The following STRADA variants were observed in gnomAD, a reference collection of about 807,000 sequenced individuals.
STRADA encodes the protein STE20 related adaptor alpha.
A neutral mutation model predicts 55.0 loss-of-function variants in STRADA; 26 were observed. That is an observed-to-expected ratio of 0.47 (90% CI 0.35 to 0.66). The LOEUF is 0.66. Ranked by LOEUF, STRADA falls within the 30% of genes least tolerant of loss-of-function variation. The probability of loss-of-function intolerance (pLI) is 0.01; values close to 1 mark genes in which losing one functional copy is unlikely to be tolerated. For missense variants in STRADA, 443 were observed against 549.7 expected, an observed-to-expected ratio of 0.81 and a Z score of 1.94; for synonymous variants, 197 against 210.9, an observed-to-expected ratio of 0.93 and a Z score of 0.57.
chr17:63,714,166 G>C, intron 4 of STRADA, 58 bp from the exon 5 acceptor site: 1 of 1,310,990 alleles, frequency 7.6e-7, no homozygotes, highest in South Asian at 1.2e-5. Flanking sequence ...GATGGGAGTG[G>C]GGTGAAGGTG....
At chr17:63,730,934 G>A (rs950796906) in intron 1 of STRADA, among the ~76,000 whole-genome samples, 1 of 151,548 alleles carries the variant, frequency 6.6e-6, no homozygotes, top group African/African-American at 2.4e-5. Flanking sequence ...GAGCCACTGC[G>A]CCTGGCCCTA....
At chr17:63,716,211 T>C (rs2143961730) in intron 4 of STRADA, among the ~76,000 whole-genome samples, 1 of 151,036 alleles carries the variant, frequency 6.6e-6, no homozygotes, top group East Asian at 2.0e-4. Context: ...TTCTCCTGCC[T>C]CAGCCTCCCA....
At chr17:63,724,494 T>C (rs1330877555) in intron 3 of STRADA, among the ~76,000 whole-genome samples, 2 of 150,918 alleles carry the variant, frequency 1.3e-5, no homozygotes, top group African/African-American at 4.9e-5. Flanking sequence ...CAGGCTGGAG[T>C]GCAGTGGCAC....
At chr17:63,705,012 G>T in intron 10 of STRADA, 1 of 1,136,278 alleles carries the variant, frequency 8.8e-7, no homozygotes, top group Non-Finnish European at 1.3e-6. Context: ...CAGTGCCACA[G>T]CCTGGGCTGT....
At chr17:63,740,066 C>A (rs2038775880) in intron 1 of STRADA, among the ~76,000 whole-genome samples, 2 of 102,698 alleles carry the variant, frequency 1.9e-5, no homozygotes, top group African/African-American at 4.2e-5. Context: ...CGGTACCCAG[C>A]CTATCAGAAA....
chr17:63,724,299 C>A (rs974759414), intron 3 of STRADA, among the ~76,000 whole-genome samples: 6 of 151,778 alleles, frequency 4.0e-5, no homozygotes, highest in Non-Finnish European at 8.8e-5. Context: ...CCTGCCACCA[C>A]GCCTGGCTAA....
chr17:63,738,462 A>C (rs2038617507), intron 1 of STRADA, among the ~76,000 whole-genome samples: 1 of 152,074 alleles, frequency 6.6e-6, no homozygotes, highest in African/African-American at 2.4e-5. Flanking sequence ...AATAAGGAGA[A>C]GCTTCACTAG....
intron 1 of STRADA, among the ~76,000 whole-genome samples, chr17:63,738,750 C>T (rs533964557): frequency 3.4e-4 from 51 of 151,904 alleles, no homozygotes; most frequent in Admixed American, 1.0e-3. Context: ...CTCAGCTACT[C>T]GGGAGACTGA....
At chr17:63,704,935 C>A (rs999535990) in intron 10 of STRADA, 9 of 1,532,638 alleles carry the variant, frequency 5.9e-6, no homozygotes, top group Non-Finnish European at 7.0e-6. Context: ...GTCAGATGAA[C>A]CTGCTTTGAA....
chr17:63,705,734 T>G (rs2036042141), intron 10 of STRADA: 1 of 152,332 alleles, frequency 6.6e-6, no homozygotes, highest in Non-Finnish European at 1.5e-5. Context: ...TTTATACCAT[T>G]TACACCTCCT....
chr17:63,735,185 T>C (rs1181535064), intron 1 of STRADA, among the ~76,000 whole-genome samples: 1 of 152,152 alleles, frequency 6.6e-6, no homozygotes, highest in African/African-American at 2.4e-5. Flanking sequence ...ATTTCACCCA[T>C]AATGTTACTA....
intron 8 of STRADA, 168 bp downstream of exon 8, chr17:63,710,323 A>C: frequency 8.6e-7 from 1 of 1,166,652 alleles, no homozygotes; most frequent in Middle Eastern, 3.1e-4. Flanking sequence ...GGCGTGAGCC[A>C]TCGCGCTGGG....
chr17:63,719,584 A>G (rs2037148118), intron 4 of STRADA, among the ~76,000 whole-genome samples: 1 of 151,962 alleles, frequency 6.6e-6, no homozygotes, highest in Non-Finnish European at 1.5e-5. Flanking sequence ...CCCAGGTTCA[A>G]GTGATTCTCC....
At chr17:63,724,611 C>T (rs188604480) in intron 3 of STRADA, among the ~76,000 whole-genome samples, 36 of 152,042 alleles carry the variant, frequency 2.4e-4, no homozygotes, top group Non-Finnish European at 4.3e-4. Flanking sequence ...ATGGGGTTTT[C>T]ACCATATTGC....
At chr17:63,709,804 A>G (rs1442864448) in intron 8 of STRADA, among the ~76,000 whole-genome samples, 1 of 152,106 alleles carries the variant, frequency 6.6e-6, no homozygotes, top group Non-Finnish European at 1.5e-5. Flanking sequence ...TCCTGACACT[A>G]TCTACTAAGC....
chr17:63,704,543 A>G lies in STRADA; in HGVS notation c.898T>C (p.Leu300=). 2 of 1,512,290 alleles carry G rather than the reference A, an allele frequency of 1.3e-6. No individual in the cohort carries two copies. The highest frequency in any genetic ancestry group is 1.2e-5 in the South Asian group (1 of 85,192). 93.7% of individuals were successfully genotyped at this position (1,512,290 alleles called of 1,614,324 possible). A position where few individuals can be genotyped will look rare whatever the true frequency, so the allele number is the denominator to read the frequency against. The stretch of plus-strand genomic sequence containing the variant: ...TCAGCGGGGATGGTGCTGGTATCCA[A>G]CAGGCAGGGCACTGTGCCGTTCAGT... ...EKLNGTVPCL[L]DTSTIPAEEL... The change falls in exon 11 of 13, where the codon TTG becomes CTG. Residue 300 remains leucine (L), a synonymous_variant. Coordinates refer to ENST00000336174, the MANE Select transcript of STRADA (RefSeq NM_001003787.4).
upstream of STRADA, chr17:63,741,969 CGA>C (rs1491254958): frequency 2.6e-5 from 4 of 152,388 alleles, no homozygotes; most frequent in Non-Finnish European, 4.4e-5. Flanking sequence ...GCCGCCGCGC[CGA>C]GAGCGGTTCT....
intron 4 of STRADA, among the ~76,000 whole-genome samples, chr17:63,721,360 A>T (rs1034961202): frequency 6.7e-6 from 1 of 150,124 alleles, no homozygotes; most frequent in African/African-American, 2.5e-5. Flanking sequence ...TGACAGAGTG[A>T]GACACCGTCT....
At chr17:63,727,977 T>A in intron 2 of STRADA, 1 of 180,846 alleles carries the variant, frequency 5.5e-6, no homozygotes, top group Non-Finnish European at 1.1e-5. Context: ...GTCCTAGTAA[T>A]TACAACTTGA....
Sources: allele counts gnomAD v4.1 joint callset (sites outside exome capture counted in the v4.1 genomes callset), GRCh38; gene constraint gnomAD v4.1.1; transcripts MANE v1.5; gene names NCBI Gene and HGNC (gene_info 2026-07-23, HGNC 2026-07-21).